The following BCAS3 variants were observed in gnomAD, a reference collection of about 807,000 sequenced individuals.
The protein encoded by BCAS3 is BCAS4/BCAS3 fusion.
In BCAS3, 53 loss-of-function variants were observed where a neutral mutation model predicts 116.1. The observed-to-expected ratio is 0.46, with a 90% CI of 0.37 to 0.57. The LOEUF is 0.57. Ranked by LOEUF, BCAS3 falls within the 20% of genes least tolerant of loss-of-function variation. BCAS3 has a pLI of 0.00. For synonymous variants in BCAS3, 391 were observed against 408.2 expected, an observed-to-expected ratio of 0.96 and a Z score of 0.51; for missense variants, 917 against 1,165.4, an observed-to-expected ratio of 0.79 and a Z score of 3.10.
At chr17:60,756,073 C>G (rs959292576) in intron 6 of BCAS3, among the ~76,000 whole-genome samples, 1 of 150,860 alleles carries the variant, frequency 6.6e-6, no homozygotes, top group Non-Finnish European at 1.5e-5. Context: ...TTTTTGACAT[C>G]AGGGACCTGT....
rs1039860301 is a variant in BCAS3 at position 61,106,620 on chromosome 17, C to T, written c.2425+22056C>T. Among the ~76,000 whole-genome samples, 5 of 152,186 alleles carry T rather than the reference C, an allele frequency of 3.3e-5. No homozygotes were observed. Among genetic ancestry groups the T allele is most frequent in the African/African-American group, 1.2e-4 (5 of 41,440 alleles). ...GGTACTGTCCATGGTTTCAGGCATCCACTGGGGGTCTTGGAACGTATCCCC... is the reference window on the plus strand; with the variant it reads ...GGTACTGTCCATGGTTTCAGGCATCTACTGGGGGTCTTGGAACGTATCCCC... On this transcript the variant is annotated intron_variant, in intron 22 of 23. Transcript: ENST00000407086. The surrounding 1 kb of genome is among the most constrained non-coding windows in gnomAD (Gnocchi z 4.2).
rs1007572407 is a variant in BCAS3, at chr17:61,213,187, T to G, written c.2425+128623T>G. Among the ~76,000 whole-genome samples the G allele has an allele frequency of 3.9e-5, 6 of 152,156 alleles. No individual in the cohort carries two copies. The highest frequency in any genetic ancestry group is 1.4e-4 in the African/African-American group (6 of 41,420). ...TTTGTTTGTTTTTTGTTTTTTGTTTTGAGATTGAGTCTCACTCTGTCACCC... is the reference window on the plus strand; with the variant it reads ...TTTGTTTGTTTTTTGTTTTTTGTTTGGAGATTGAGTCTCACTCTGTCACCC... On this transcript the variant is annotated intron_variant, in intron 22 of 23. Coordinates refer to ENST00000407086, the MANE Select transcript of BCAS3 (RefSeq NM_017679.5). This position sits in a 1 kb window ranked among gnomAD's most constrained non-coding sequence, Gnocchi z 5.4.
At position 61,181,342 on chromosome 17, in the gene BCAS3, A is replaced by T. The variant is rs777874854; in HGVS notation, c.2425+96778A>T. Among the ~76,000 whole-genome samples, 1 of 152,226 alleles carries T rather than the reference A, an allele frequency of 6.6e-6. No individual in the cohort carries two copies. The highest frequency in any genetic ancestry group is 1.5e-5 in the Non-Finnish European group (1 of 68,040). ...GGTAGTGGTTAAATGTAGGATTTTAATCAGATCAGAGCAAAGTATGGAGTT... is the reference window on the plus strand; with the variant it reads ...GGTAGTGGTTAAATGTAGGATTTTATTCAGATCAGAGCAAAGTATGGAGTT... On this transcript the variant is annotated intron_variant, in intron 22 of 23. Transcript: ENST00000407086. This position sits in a 1 kb window ranked among gnomAD's most constrained non-coding sequence, Gnocchi z 5.0.
chr17:60,739,390 C>G (rs150729456), intron 5 of BCAS3, among the ~76,000 whole-genome samples: 4,834 of 152,138 alleles, frequency 0.032, 243 homozygotes, highest in African/African-American at 0.11. Context: ...GAGGCTGAGG[C>G]AGGTGGATCA....
Position 61,229,556 on chromosome 17 carries a change from C to T in BCAS3, c.2426-138771C>T, listed in dbSNP as rs1180809084. Reference sequence around the variant, plus strand: ...GCTTCAATTGAAGGACAGGCTGATACACAATGGCAATTAAATGTCAACATT... The same window carrying T: ...GCTTCAATTGAAGGACAGGCTGATATACAATGGCAATTAAATGTCAACATT... On this transcript the variant is annotated intron_variant, in intron 22 of 23. Coordinates refer to ENST00000407086, the MANE Select transcript of BCAS3 (RefSeq NM_017679.5). The surrounding 1 kb of genome is among the most constrained non-coding windows in gnomAD (Gnocchi z 4.4). Among the ~76,000 whole-genome samples the T allele has an allele frequency of 2.0e-5, 3 of 152,220 alleles. No individual in the cohort carries two copies. The highest frequency in any genetic ancestry group is 2.9e-5 in the Non-Finnish European group (2 of 68,040).
At chr17:60,973,654 G>A (rs2062114676) in intron 14 of BCAS3, among the ~76,000 whole-genome samples, 1 of 150,592 alleles carries the variant, frequency 6.6e-6, no homozygotes, top group South Asian at 2.1e-4. Context: ...GGTCAGTGGT[G>A]TAATCTCAGC....
intron 22 of BCAS3, among the ~76,000 whole-genome samples, chr17:61,086,067 G>A (rs1026456350): frequency 1.3e-5 from 2 of 151,832 alleles, no homozygotes; most frequent in Admixed American, 1.3e-4. Context: ...TAGATTCTGA[G>A]GTAACACTCC....
intron 7 of BCAS3, among the ~76,000 whole-genome samples, chr17:60,859,828 C>G (rs1232447938): frequency 6.6e-6 from 1 of 152,122 alleles, no homozygotes; most frequent in East Asian, 1.9e-4. Flanking sequence ...CTTGGCCTCC[C>G]AAAGTGCTAG....
At chr17:61,201,952 G>T (rs796287254) in intron 22 of BCAS3, among the ~76,000 whole-genome samples, 6 of 151,424 alleles carry the variant, frequency 4.0e-5, no homozygotes, top group Admixed American at 1.3e-4. Flanking sequence ...TAGAGACCGG[G>T]TTTCACCATG....
At chr17:61,384,748 G>A (rs1313024275) in intron 23 of BCAS3, 2 of 152,220 alleles carry the variant, frequency 1.3e-5, no homozygotes, top group African/African-American at 4.8e-5. Context: ...AGGGGAGAAA[G>A]GGGACTCCTT....
At chr17:60,703,944 A>G (rs2036780819) in intron 4 of BCAS3, among the ~76,000 whole-genome samples, 1 of 151,866 alleles carries the variant, frequency 6.6e-6, no homozygotes, top group African/African-American at 2.4e-5. Context: ...AAAGAAAAAA[A>G]AAAGAAAGAC....
At chr17:60,815,446 TAAAAA>T (rs543186047) in intron 7 of BCAS3, among the ~76,000 whole-genome samples, 1 of 144,402 alleles carries the variant, frequency 6.9e-6, no homozygotes. Context: ...AGTGTAATAA[TAAAAA>T]AAAAGGAAAA....
In BCAS3 at chr17:61,188,695, G is replaced by C. The variant is rs990525659; in HGVS notation, c.2425+104131G>C. Among the ~76,000 whole-genome samples the C allele has an allele frequency of 1.3e-5, 2 of 152,158 alleles. No homozygotes were observed. The highest frequency in any genetic ancestry group is 4.8e-5 in the African/African-American group (2 of 41,432). ...AGGCAACTGCTCAGAGTGCTGTGTC[G>C]AGCTTAATGGGTATAAAGGAGAAGA... On this transcript the variant is annotated intron_variant, in intron 22 of 23. Transcript: ENST00000407086. The surrounding 1 kb of genome is among the most constrained non-coding windows in gnomAD (Gnocchi z 4.0).
chr17:60,810,921 C>G (rs536864294), intron 7 of BCAS3: 1 of 695,948 alleles, frequency 1.4e-6, no homozygotes, highest in African/African-American at 1.7e-5. Context: ...TGGCAGACAT[C>G]TGGGCCCAAT....
intron 22 of BCAS3, among the ~76,000 whole-genome samples, chr17:61,123,141 CT>C (rs1422334808): frequency 1.3e-5 from 2 of 152,028 alleles, no homozygotes; most frequent in African/African-American, 4.8e-5. Context: ...CGGGGTTTCA[CT>C]GTGTTGGCTA....
At chr17:61,054,825 C>G (rs2069211791) in intron 19 of BCAS3, among the ~76,000 whole-genome samples, 1 of 152,130 alleles carries the variant, frequency 6.6e-6, no homozygotes, top group Non-Finnish European at 1.5e-5. Flanking sequence ...TGCTATTTTT[C>G]AGATACATTT....
rs1601537366 is a variant in BCAS3 at position 61,140,954 on chromosome 17, C to T, written c.2425+56390C>T. Among the ~76,000 whole-genome samples, 3 of 149,606 alleles carry T rather than the reference C, an allele frequency of 2.0e-5. No homozygotes were observed. Among genetic ancestry groups the T allele is most frequent in the African/African-American group, 2.4e-5 (1 of 40,916 alleles). ...TTGTCCATTTGAGTGTTTTTTTTTT[C>T]CCCCAAAAGTATAATAGTGAAATGG... On this transcript the variant is annotated intron_variant, in intron 22 of 23. Transcript: ENST00000407086. The surrounding 1 kb of genome is among the most constrained non-coding windows in gnomAD (Gnocchi z 4.2).
chr17:60,988,911 C>T (rs899307180), intron 14 of BCAS3, among the ~76,000 whole-genome samples: 1 of 151,498 alleles, frequency 6.6e-6, no homozygotes, highest in Non-Finnish European at 1.5e-5. Context: ...TATTATTTAT[C>T]TTCTACTAAT....
chr17:60,791,863 G>A (rs1442141130), intron 6 of BCAS3, among the ~76,000 whole-genome samples: 2 of 152,022 alleles, frequency 1.3e-5, no homozygotes, highest in African/African-American at 4.8e-5. Flanking sequence ...AGTGGCTCAC[G>A]CTTGTAATCC....
Sources: allele counts gnomAD v4.1 joint callset (sites outside exome capture counted in the v4.1 genomes callset), GRCh38; gene constraint gnomAD v4.1.1; non-coding constraint Gnocchi (gnomAD v3.1); transcripts MANE v1.5; gene names NCBI Gene and HGNC (gene_info 2026-07-23, HGNC 2026-07-21).